HIF1A: variants seen among roughly 807,000 people sequenced by gnomAD.
HIF1A encodes the protein hypoxia-inducible factor 1-alpha.
In HIF1A, 24 loss-of-function variants were observed where a neutral mutation model predicts 92.7. That is an observed-to-expected ratio of 0.26 (90% CI 0.19 to 0.36). The LOEUF (loss-of-function observed/expected upper bound fraction) is 0.36, where lower values mean the gene tolerates loss of function less well. Ranked by LOEUF, HIF1A falls within the 10% of genes least tolerant of loss-of-function variation. HIF1A has a pLI of 1.00. For missense variants in HIF1A, 799 were observed against 998.5 expected (o/e 0.80, Z 2.69); for synonymous variants, 319 against 338.7 (o/e 0.94, Z 0.64).
chr14:61,734,116 T>A lies in HIF1A; in HGVS notation c.881-22T>A, dbSNP rs770250080. The A allele has an allele frequency of 3.3e-6, 5 of 1,495,558 alleles. No homozygotes were observed. In the East Asian group the frequency reaches 1.2e-4, roughly 36 times the overall value. The allele number at this position is 1,495,558 out of a possible 1,614,324, so 92.6% of individuals were successfully genotyped here. A position where few individuals can be genotyped will look rare whatever the true frequency, so the allele number is the denominator to read the frequency against. On this transcript the variant is annotated intron_variant, in intron 7 of 14. Transcript: ENST00000337138. ...AAGTTAAAATATTTTCTCTGCATGA[T>A]TCTTTTTCTTTTCCCCCCTAGTGTT...
intron 1 of HIF1A, among the ~76,000 whole-genome samples, chr14:61,696,137 G>C (rs900459397): frequency 3.3e-5 from 5 of 152,332 alleles, no homozygotes; most frequent in Admixed American, 2.6e-4. Flanking sequence ...CCACCTACCC[G>C]CCTCAAAAAC....
intron 6 of HIF1A, 38 bp from the exon 7 acceptor site, chr14:61,732,379 TC>T: frequency 7.4e-7 from 1 of 1,351,852 alleles, no homozygotes; most frequent in Non-Finnish European, 1.1e-6. Flanking sequence ...TATCAGTGTC[TC>T]CCTTTTTTTT....
At chr14:61,745,651 A>G (rs1272036184) in intron 13 of HIF1A, 40 bp from the exon 14 acceptor site, 1 of 1,583,674 alleles carries the variant, frequency 6.3e-7, no homozygotes, top group Admixed American at 1.8e-5. Context: ...TAAAAAAAAA[A>G]TTCAACAAAC....
At chr14:61,737,854 C>T (rs150681079) in intron 9 of HIF1A, among the ~76,000 whole-genome samples, 53 of 152,136 alleles carry the variant, frequency 3.5e-4, no homozygotes, top group African/African-American at 1.2e-3. Context: ...TGGTGAAACC[C>T]CGTCTCTACC....
chr14:61,697,494 A>G (rs2044130064), intron 1 of HIF1A: 4 of 168,380 alleles, frequency 2.4e-5, no homozygotes, highest in Non-Finnish European at 5.0e-5. Context: ...TTGTTTTGCC[A>G]TTCATCCGTT....
intron 8 of HIF1A, among the ~76,000 whole-genome samples, chr14:61,736,509 A>G (rs143521157): frequency 3.7e-4 from 56 of 152,236 alleles, no homozygotes; most frequent in African/African-American, 1.2e-3. Context: ...CTCAGTGTCT[A>G]TTGATGCCAT....
At chr14:61,723,594 AAAG>A in intron 4 of HIF1A, among the ~76,000 whole-genome samples, 1 of 152,324 alleles carries the variant, frequency 6.6e-6, no homozygotes, top group Non-Finnish European at 1.5e-5. Flanking sequence ...AATTCTGTAT[AAAG>A]GAGGAGTAAA....
At chr14:61,712,970 A>C (rs2044324043) in intron 1 of HIF1A, among the ~76,000 whole-genome samples, 1 of 152,048 alleles carries the variant, frequency 6.6e-6, no homozygotes, top group African/African-American at 2.4e-5. Flanking sequence ...AAAAAAAAAA[A>C]AACAGAAACA....
chr14:61,706,359 C>G (rs2044239375), intron 1 of HIF1A, among the ~76,000 whole-genome samples: 1 of 152,154 alleles, frequency 6.6e-6, no homozygotes, highest in Admixed American at 6.5e-5. Context: ...CTTAGGTCAT[C>G]TTTGAACTCT....
intron 7 of HIF1A, 73 bp from the exon 8 acceptor site, chr14:61,734,065 C>A: frequency 1.0e-6 from 1 of 959,288 alleles, no homozygotes; most frequent in Non-Finnish European, 1.5e-6. Context: ...GAACATTCAG[C>A]ATCTGTTCAT....
chr14:61,723,422 T>C (rs146824641), intron 4 of HIF1A, among the ~76,000 whole-genome samples: 1 of 152,290 alleles, frequency 6.6e-6, no homozygotes, highest in Admixed American at 6.5e-5. Context: ...TTCAGTAGAC[T>C]GGCTTCAGAG....
At chr14:61,716,918 G>C (rs1194110130) in intron 1 of HIF1A, 4 of 152,154 alleles carry the variant, frequency 2.6e-5, no homozygotes. Flanking sequence ...AACAGTTGTA[G>C]AAATGGGTAA....
intron 14 of HIF1A, among the ~76,000 whole-genome samples, chr14:61,746,657 A>G (rs1397122722): frequency 1.3e-5 from 2 of 152,150 alleles, no homozygotes; most frequent in Non-Finnish European, 2.9e-5. Context: ...AGCCTGTGCT[A>G]GGATTACAGG....
At chr14:61,714,230 C>T (rs1412666999) in intron 1 of HIF1A, among the ~76,000 whole-genome samples, 1 of 152,150 alleles carries the variant, frequency 6.6e-6, no homozygotes, top group African/African-American at 2.4e-5. Context: ...TGTGAAAACA[C>T]TCAGGTTAGT....
At position 61,746,224 on chromosome 14, in the gene HIF1A, C is replaced by CAA. The variant is rs912286333; in HGVS notation, c.2329+426_2329+427dup. 4.6e-4 allele frequency among the ~76,000 whole-genome samples: 32 copies of CAA among 69,400 alleles called. 1 individual carries two copies. Among genetic ancestry groups the CAA allele is most frequent in the South Asian group, 2.7e-3 (6 of 2,228 alleles). 45.5% of individuals were successfully genotyped at this position (69,400 alleles called of 152,430 possible). On this transcript the variant is annotated intron_variant, in intron 14 of 14. Coordinates refer to ENST00000337138, the MANE Select transcript of HIF1A (RefSeq NM_001530.4). ...GGGCGACAAGGGTGAGACTCTGCCT[C>CAA]AAAAAAAAAAAAAAAAAAAAGTACA... is the stretch of plus-strand genomic sequence containing the variant.
intron 4 of HIF1A, among the ~76,000 whole-genome samples, chr14:61,725,170 C>T (rs1361776857): frequency 6.6e-6 from 1 of 152,170 alleles, no homozygotes; most frequent in Non-Finnish European, 1.5e-5. Context: ...AAATTATCTT[C>T]TAAGCTCTCC....
chr14:61,695,917 C>A, intron 1 of HIF1A, 78 bp downstream of exon 1: 1 of 1,405,284 alleles, frequency 7.1e-7, no homozygotes, highest in Non-Finnish European at 9.8e-7. Context: ...CCTGGGCCGG[C>A]CTCGGCGTTA....
At chr14:61,724,349 T>TCTC (rs1555338397) in intron 4 of HIF1A, among the ~76,000 whole-genome samples, 14 of 96,094 alleles carry the variant, frequency 1.5e-4, no homozygotes, top group African/African-American at 3.1e-4. Context: ...CACACACACA[T>TCTC]TCTCTCTCTC....
intron 1 of HIF1A, among the ~76,000 whole-genome samples, chr14:61,709,391 T>C (rs925018124): frequency 6.6e-6 from 1 of 152,226 alleles, no homozygotes; most frequent in African/African-American, 2.4e-5. Context: ...TAAATTAACA[T>C]GTAAATGAAA....
Sources: gnomAD v4.1 joint callset for allele counts (sites outside exome capture counted in the v4.1 genomes callset) on GRCh38, gnomAD v4.1.1 for gene constraint, MANE v1.5 for transcripts, NCBI Gene and HGNC (gene_info 2026-07-23, HGNC 2026-07-21) for gene names.